TAF1B: variants seen among roughly 807,000 people sequenced by gnomAD.
TAF1B encodes the protein TATA box-binding protein-associated factor RNA polymerase I subunit B.
Under a neutral mutation model 83.9 loss-of-function variants are expected in TAF1B, and 61 were observed. That is an observed-to-expected ratio of 0.73 (90% CI 0.59 to 0.90). The LOEUF (loss-of-function observed/expected upper bound fraction) is 0.90. TAF1B is among the 40% of genes least tolerant of loss of function. The pLI is 0.00. For synonymous variants in TAF1B, 221 were observed against 224.6 expected, an observed-to-expected ratio of 0.98 and a Z score of 0.14; for missense variants, 625 against 677.0, an observed-to-expected ratio of 0.92 and a Z score of 0.85.
chr2:9,898,172 A>T (rs930702689), intron 8 of TAF1B, among the ~76,000 whole-genome samples: 1 of 152,196 alleles, frequency 6.6e-6, no homozygotes, highest in African/African-American at 2.4e-5. Context: ...CAATTTCATT[A>T]ATCTCTAGAG....
intron 1 of TAF1B, among the ~76,000 whole-genome samples, chr2:9,843,950 C>T (rs535406971): frequency 8.7e-4 from 132 of 152,174 alleles, no homozygotes; most frequent in Non-Finnish European, 1.5e-3. Flanking sequence ...GAGATGCCGC[C>T]GGGTAACCCC....
chr2:9,911,365 C>T, intron 10 of TAF1B, 146 bp from the exon 11 acceptor site: 1 of 588,612 alleles, frequency 1.7e-6, no homozygotes, highest in East Asian at 3.3e-5. Context: ...ATAGTGTCTC[C>T]TCCTCTGTTT....
chr2:9,857,537 A>C (rs902944571), intron 5 of TAF1B, among the ~76,000 whole-genome samples: 1 of 152,150 alleles, frequency 6.6e-6, no homozygotes, highest in African/African-American at 2.4e-5. Context: ...TGGACATGTT[A>C]AGTTTGAGAC....
intron 12 of TAF1B, among the ~76,000 whole-genome samples, chr2:9,918,485 C>T (rs1451369608): frequency 1.3e-5 from 2 of 152,184 alleles, no homozygotes; most frequent in African/African-American, 4.8e-5. Context: ...CCATCCTTCC[C>T]TTGGCAAGAA....
chr2:9,912,127 C>T (rs1419767653), intron 11 of TAF1B, among the ~76,000 whole-genome samples: 6 of 152,206 alleles, frequency 3.9e-5, no homozygotes, highest in African/African-American at 1.4e-4. Context: ...GGCCTAAGTA[C>T]GTCTGTCCCT....
chr2:9,918,593 C>G (rs950172094), intron 12 of TAF1B, among the ~76,000 whole-genome samples: 1 of 152,164 alleles, frequency 6.6e-6, no homozygotes, highest in African/African-American at 2.4e-5. Flanking sequence ...TTCCTGGCAT[C>G]AGATGCCAGA....
chr2:9,886,170 G>A (rs1371825211), intron 8 of TAF1B, among the ~76,000 whole-genome samples: 3 of 151,548 alleles, frequency 2.0e-5, no homozygotes, highest in Non-Finnish European at 4.4e-5. Context: ...AACTTTTCCC[G>A]CAAGATAGGG....
At chr2:9,846,037 A>C (rs1242649074) in intron 2 of TAF1B, 5 of 469,040 alleles carry the variant, frequency 1.1e-5, no homozygotes, top group Non-Finnish European at 2.2e-5. Flanking sequence ...ATTCTTCGTT[A>C]TCCTTTTACC....
At position 9,893,559 on chromosome 2, in the gene TAF1B, C is replaced by T. The variant is rs758139271; in HGVS notation, c.807+10754C>T. Among the ~76,000 whole-genome samples, 4 of 152,232 alleles carry T rather than the reference C, an allele frequency of 2.6e-5. No homozygotes were observed. The East Asian group carries it at 5.8e-4, about 22-fold the overall frequency. On this transcript the variant is annotated intron_variant, in intron 8 of 14. Transcript: ENST00000263663. Reference sequence around the variant, plus strand: ...AAAGCTCAGGCTAGACGTGGTGGCTCGCCCTGTAGTCTCAGCTACTAGGGA... The same window carrying T: ...AAAGCTCAGGCTAGACGTGGTGGCTTGCCCTGTAGTCTCAGCTACTAGGGA...
At chr2:9,894,713 C>G (rs1664965617) in intron 8 of TAF1B, among the ~76,000 whole-genome samples, 1 of 151,768 alleles carries the variant, frequency 6.6e-6, no homozygotes, top group African/African-American at 2.4e-5. Flanking sequence ...CTTCCCTCAC[C>G]TGTCCCTCCC....
chr2:9,875,858 TC>T lies in TAF1B; in HGVS notation c.554-5del. ...GGATTTTTAAAAATCTCCATTTATC[TC>T]CTAAGAAACGTCTGTCTGCTCTGGA... On this transcript the variant is annotated splice_region_variant and splice_polypyrimidine_tract_variant and intron_variant, in intron 6 of 14. Transcript: ENST00000263663. The T allele has an allele frequency of 6.4e-7, 1 of 1,559,116 alleles. No homozygotes were observed. The highest frequency in any genetic ancestry group is 8.7e-7 in the Non-Finnish European group (1 of 1,144,720).
At chr2:9,879,104 G>A (rs1056833749) in intron 7 of TAF1B, among the ~76,000 whole-genome samples, 2 of 152,098 alleles carry the variant, frequency 1.3e-5, no homozygotes, top group Admixed American at 1.3e-4. Flanking sequence ...TAGATAGCAC[G>A]GAACCCTATA....
chr2:9,885,208 G>T (rs1427636374), intron 8 of TAF1B, among the ~76,000 whole-genome samples: 1 of 152,228 alleles, frequency 6.6e-6, no homozygotes, highest in Non-Finnish European at 1.5e-5. Context: ...TACCATCTGT[G>T]TGACCTTGGC....
chr2:9,852,092 C>T (rs569395792), intron 4 of TAF1B: 3 of 465,062 alleles, frequency 6.5e-6, no homozygotes, highest in South Asian at 4.7e-5. Flanking sequence ...CAGTCGTTCA[C>T]CTGAGTGCAT....
At chr2:9,857,748 G>A (rs553496628) in intron 5 of TAF1B, among the ~76,000 whole-genome samples, 10 of 152,258 alleles carry the variant, frequency 6.6e-5, no homozygotes, top group South Asian at 4.2e-4. Context: ...GAGTGCGTGC[G>A]TGTGAGCAAG....
intron 5 of TAF1B, among the ~76,000 whole-genome samples, chr2:9,863,074 A>T (rs187009230): frequency 5.3e-5 from 8 of 152,366 alleles, no homozygotes; most frequent in Admixed American, 3.3e-4. Context: ...TCATAATGAC[A>T]GGATCAGATT....
At chr2:9,851,452 C>A in intron 3 of TAF1B, 89 bp from the exon 4 acceptor site, 1 of 1,017,342 alleles carries the variant, frequency 9.8e-7, no homozygotes. Context: ...ATTCAAGTCG[C>A]AATGTGTAAA....
chr2:9,868,606 G>A (rs1558240348), intron 6 of TAF1B, 177 bp downstream of exon 6: 6 of 980,300 alleles, frequency 6.1e-6, no homozygotes, highest in Middle Eastern at 2.1e-4. Flanking sequence ...AAATCTTAGC[G>A]CAATTTTTTA....
chr2:9,875,591 G>A (rs1302335945), intron 6 of TAF1B, among the ~76,000 whole-genome samples: 2 of 152,050 alleles, frequency 1.3e-5, no homozygotes, highest in Non-Finnish European at 2.9e-5. Context: ...GTGTGCAGGG[G>A]AACTACCCTT....
Sources: gnomAD v4.1 joint callset for allele counts (sites outside exome capture counted in the v4.1 genomes callset) on GRCh38, gnomAD v4.1.1 for gene constraint, MANE v1.5 for transcripts, NCBI Gene and HGNC (gene_info 2026-07-23, HGNC 2026-07-21) for gene names.